KIAA0825: variants seen among roughly 807,000 people sequenced by gnomAD.
The protein encoded by KIAA0825 is uncharacterized protein KIAA0825.
Under a neutral mutation model 147.6 loss-of-function variants are expected in KIAA0825, and 119 were observed. The observed-to-expected ratio is 0.81, with a 90% CI of 0.69 to 0.94. KIAA0825 has a LOEUF of 0.94. KIAA0825 is among the 40% of genes least tolerant of loss of function. The pLI, the probability that KIAA0825 is intolerant of heterozygous loss-of-function variation, is 0.00. For synonymous variants in KIAA0825, 470 were observed against 518.1 expected (o/e 0.91, Z 1.26); for missense variants, 1,381 against 1,472.7 (o/e 0.94, Z 1.02).
chr5:94,277,340 A>G (rs1305728854), intron 20 of KIAA0825, among the ~76,000 whole-genome samples: 2 of 152,112 alleles, frequency 1.3e-5, no homozygotes, highest in Non-Finnish European at 2.9e-5. Context: ...AATGGGAGAA[A>G]ATTTTTGCAA....
chr5:94,407,303 G>A (rs1005082403), intron 15 of KIAA0825, among the ~76,000 whole-genome samples: 2 of 152,140 alleles, frequency 1.3e-5, no homozygotes, highest in African/African-American at 2.4e-5. Flanking sequence ...GCTGGGACAC[G>A]CCTTCAATTC....
intron 2 of KIAA0825, among the ~76,000 whole-genome samples, chr5:94,546,374 G>A (rs1270788156): frequency 5.9e-5 from 9 of 152,224 alleles, no homozygotes; most frequent in Non-Finnish European, 2.9e-5. Context: ...AGTGAACATA[G>A]GTGATAACCA....
intron 5 of KIAA0825, among the ~76,000 whole-genome samples, chr5:94,487,346 C>T (rs1210247898): frequency 6.6e-6 from 1 of 152,216 alleles, no homozygotes; most frequent in East Asian, 1.9e-4. Flanking sequence ...TTACTATCAG[C>T]TCAGTGTTCT....
At chr5:94,512,756 G>A (rs967894695) in intron 5 of KIAA0825, among the ~76,000 whole-genome samples, 1 of 152,064 alleles carries the variant, frequency 6.6e-6, no homozygotes, top group Admixed American at 6.5e-5. Context: ...TAATAGCCGG[G>A]CATGGTGGCA....
intron 1 of KIAA0825, among the ~76,000 whole-genome samples, chr5:94,590,168 CATTTTTAG>C (rs990028699): frequency 6.6e-6 from 1 of 151,916 alleles, no homozygotes; most frequent in African/African-American, 2.4e-5. Context: ...CTAATTTTTG[CATTTTTAG>C]TAGAGATGGG....
chr5:94,449,461 A>G (rs1758123808), intron 13 of KIAA0825, among the ~76,000 whole-genome samples: 1 of 152,218 alleles, frequency 6.6e-6, no homozygotes, highest in Non-Finnish European at 1.5e-5. Flanking sequence ...ATAAACTAGG[A>G]CTAGAGGAAG....
At chr5:94,465,253 G>A (rs1414935230) in intron 10 of KIAA0825, among the ~76,000 whole-genome samples, 194 bp from the exon 11 acceptor site, 1 of 152,210 alleles carries the variant, frequency 6.6e-6, no homozygotes, top group Non-Finnish European at 1.5e-5. Context: ...TTCGAGACTA[G>A]ATATTCTAGT....
chr5:94,449,994 C>T (rs913867721), intron 13 of KIAA0825, among the ~76,000 whole-genome samples: 7 of 151,844 alleles, frequency 4.6e-5, no homozygotes, highest in South Asian at 2.1e-4. Context: ...GCAGGAGAAT[C>T]GCTTGAACCT....
At chr5:94,320,150 T>C (rs1780024369) in intron 20 of KIAA0825, among the ~76,000 whole-genome samples, 1 of 152,034 alleles carries the variant, frequency 6.6e-6, no homozygotes, top group Non-Finnish European at 1.5e-5. Context: ...TATATCTGTA[T>C]GGGCTTTACT....
At chr5:94,206,812 T>C (rs1415141005) in intron 20 of KIAA0825, among the ~76,000 whole-genome samples, 1 of 152,186 alleles carries the variant, frequency 6.6e-6, no homozygotes, top group Non-Finnish European at 1.5e-5. Flanking sequence ...CAACCATTTA[T>C]GGACTAACTT....
chr5:94,478,046 G>A (rs1199603455), intron 6 of KIAA0825, among the ~76,000 whole-genome samples: 1 of 152,096 alleles, frequency 6.6e-6, no homozygotes, highest in Non-Finnish European at 1.5e-5. Flanking sequence ...CTTTATGCCT[G>A]GGCAAAGCAA....
intron 3 of KIAA0825, among the ~76,000 whole-genome samples, chr5:94,532,266 G>A (rs1459846592): frequency 6.6e-6 from 1 of 152,074 alleles, no homozygotes; most frequent in African/African-American, 2.4e-5. Context: ...TTCCACCTCA[G>A]CACCCCAAGT....
At chr5:94,240,590 G>A (rs1775296237) in intron 20 of KIAA0825, among the ~76,000 whole-genome samples, 1 of 152,156 alleles carries the variant, frequency 6.6e-6, no homozygotes, top group Non-Finnish European at 1.5e-5. Context: ...GTCTATCACA[G>A]TTATCAATTA....
rs143372903 is a variant in KIAA0825 at position 94,610,900 on chromosome 5, T to C, written c.-153+7600A>G. Among the ~76,000 whole-genome samples the C allele has an allele frequency of 5.7e-4, 87 of 151,480 alleles. No individual in the cohort carries two copies. In the East Asian group the frequency reaches 0.017, roughly 29 times the overall value. On this transcript the variant is annotated intron_variant, in intron 1 of 20. Coordinates refer to ENST00000682413, the MANE Select transcript of KIAA0825 (RefSeq NM_001145678.3). ...TCAGACCTCATCAGTATAACGCTCT[T>C]CAAAATGAGTTCCTATCACTGCTCA...
intron 1 of KIAA0825, among the ~76,000 whole-genome samples, chr5:94,588,333 A>C (rs952655547): frequency 6.6e-6 from 1 of 152,216 alleles, no homozygotes; most frequent in Non-Finnish European, 1.5e-5. Context: ...AAAGAACTTA[A>C]ACAAATTTAC....
chr5:94,335,614 A>ACTTAC (rs1340547127), intron 20 of KIAA0825, among the ~76,000 whole-genome samples: 1 of 152,148 alleles, frequency 6.6e-6, no homozygotes, highest in Admixed American at 6.5e-5. Context: ...AAATTATACT[A>ACTTAC]CTTACACATA....
intron 20 of KIAA0825, among the ~76,000 whole-genome samples, chr5:94,295,297 GGT>G (rs1778086337): frequency 6.6e-6 from 1 of 151,870 alleles, no homozygotes; most frequent in East Asian, 2.0e-4. Context: ...TCTCTAAACT[GGT>G]TATTCTAGTT....
At chr5:94,557,874 G>A (rs911653749) in intron 2 of KIAA0825, among the ~76,000 whole-genome samples, 151 of 151,340 alleles carry the variant, frequency 1.0e-3, no homozygotes, top group Non-Finnish European at 1.9e-3. Context: ...GTTATGGCTC[G>A]AGCGGTGCTT....
intron 20 of KIAA0825, among the ~76,000 whole-genome samples, chr5:94,311,221 T>C (rs1210071629): frequency 1.3e-5 from 2 of 151,254 alleles, no homozygotes; most frequent in Non-Finnish European, 3.0e-5. Context: ...CTTTGTTTTG[T>C]TTTTGGATTT....
Sources: allele counts gnomAD v4.1 joint callset (sites outside exome capture counted in the v4.1 genomes callset), GRCh38; gene constraint gnomAD v4.1.1; transcripts MANE v1.5; gene names NCBI Gene and HGNC (gene_info 2026-07-23, HGNC 2026-07-21).